The following ANAPC10 variants were observed in gnomAD, a reference collection of about 807,000 sequenced individuals.
ANAPC10 encodes the protein anaphase-promoting complex subunit 10.
Under a neutral mutation model 22.0 loss-of-function variants are expected in ANAPC10, and 12 were observed. The observed-to-expected ratio is 0.55, with a 90% CI of 0.35 to 0.88. ANAPC10 has a LOEUF of 0.88. ANAPC10 is among the 40% of genes least tolerant of loss of function. The pLI is 0.01. For missense variants in ANAPC10, 188 were observed against 220.9 expected, an observed-to-expected ratio of 0.85 and a Z score of 0.94; for synonymous variants, 65 against 69.5, an observed-to-expected ratio of 0.94 and a Z score of 0.32.
At chr4:144,998,624 C>T (rs554059554) in intron 4 of ANAPC10, among the ~76,000 whole-genome samples, 3 of 151,902 alleles carry the variant, frequency 2.0e-5, no homozygotes, top group Non-Finnish European at 4.4e-5. Flanking sequence ...AGCAGTGTGT[C>T]GAGGGAAATT....
chr4:145,091,826 C>T (rs578246780), intron 2 of ANAPC10, among the ~76,000 whole-genome samples: 8 of 152,266 alleles, frequency 5.3e-5, no homozygotes, highest in Admixed American at 2.6e-4. Context: ...ACTGTAAACA[C>T]GTGGAGTACT....
chr4:145,084,313 A>G (rs1746544744), intron 2 of ANAPC10, among the ~76,000 whole-genome samples: 1 of 152,208 alleles, frequency 6.6e-6, no homozygotes, highest in Non-Finnish European at 1.5e-5. Flanking sequence ...AAAGAGGTAG[A>G]ATGGTAAGAT....
In ANAPC10 at chr4:145,054,710, A is replaced by C. The variant is rs866179106; in HGVS notation, c.327+9862T>G. Among the ~76,000 whole-genome samples the C allele has an allele frequency of 4.2e-5, 6 of 142,294 alleles. No individual in the cohort carries two copies. In the South Asian group the frequency reaches 1.1e-3, roughly 26 times the overall value. The allele number at this position is 142,294 out of a possible 152,430, so 93.4% of individuals were successfully genotyped here. A position where few individuals can be genotyped will look rare whatever the true frequency, so the allele number is the denominator to read the frequency against. ...TGTGTGTGTGCCTGTGTGTGTGTGC[A>C]TGTGTGTGTGTGCATGTGTCCATGG... On this transcript the variant is annotated intron_variant, in intron 4 of 4. Transcript: ENST00000507656.
At chr4:145,026,250 A>G (rs768865292) in intron 4 of ANAPC10, among the ~76,000 whole-genome samples, 1 of 152,238 alleles carries the variant, frequency 6.6e-6, no homozygotes. Flanking sequence ...TTTAACATTT[A>G]TTGATTGACT....
At chr4:145,087,529 G>T (rs1579161657) in intron 2 of ANAPC10, among the ~76,000 whole-genome samples, 1 of 152,188 alleles carries the variant, frequency 6.6e-6, no homozygotes, top group East Asian at 1.9e-4. Flanking sequence ...AATGGTCTCT[G>T]TAGAGAAGTT....
chr4:145,003,973 C>T lies in ANAPC10; in HGVS notation c.328-8370G>A, dbSNP rs75873062. Among the ~76,000 whole-genome samples the T allele has an allele frequency of 1.5e-3, 226 of 152,122 alleles. 1 individual carries two copies. The highest frequency in any genetic ancestry group is 5.1e-3 in the African/African-American group (212 of 41,514). ...ATATTGAGTCTTCCTATCCATGAGC[C>T]TGGAAGGTTTTTCTCATGTGTTTGT... On this transcript the variant is annotated intron_variant, in intron 4 of 4. Coordinates refer to ENST00000507656, the MANE Select transcript of ANAPC10 (RefSeq NM_001256706.2).
At chr4:145,013,790 C>T (rs1250917372) in intron 4 of ANAPC10, among the ~76,000 whole-genome samples, 4 of 152,112 alleles carry the variant, frequency 2.6e-5, no homozygotes, top group African/African-American at 7.2e-5. Context: ...AAAGGAAGAT[C>T]CTCCACCCCC....
intron 4 of ANAPC10, among the ~76,000 whole-genome samples, chr4:145,010,173 C>A (rs962525429): frequency 2.6e-5 from 4 of 152,006 alleles, no homozygotes; most frequent in Non-Finnish European, 2.9e-5. Context: ...TCAGGAAACC[C>A]CAGGTGCTGG....
At chr4:145,020,379 A>G (rs568468678) in intron 4 of ANAPC10, among the ~76,000 whole-genome samples, 1 of 152,340 alleles carries the variant, frequency 6.6e-6, no homozygotes, top group East Asian at 1.9e-4. Context: ...GACAAAATCC[A>G]GCATCCCTTT....
intron 4 of ANAPC10, among the ~76,000 whole-genome samples, chr4:145,045,786 T>C (rs1460250722): frequency 6.6e-6 from 1 of 152,078 alleles, no homozygotes; most frequent in Non-Finnish European, 1.5e-5. Flanking sequence ...GTCTGTCCAT[T>C]ATGCCAGCCC....
intron 4 of ANAPC10, among the ~76,000 whole-genome samples, chr4:145,002,914 A>C (rs1408404429): frequency 6.6e-6 from 1 of 152,148 alleles, no homozygotes; most frequent in Non-Finnish European, 1.5e-5. Context: ...TTTATTATAA[A>C]GGTAAATTGC....
At chr4:145,077,000 C>T (rs1372203526) in intron 3 of ANAPC10, among the ~76,000 whole-genome samples, 2 of 152,108 alleles carry the variant, frequency 1.3e-5, no homozygotes, top group African/African-American at 4.8e-5. Context: ...GAGATCGAGA[C>T]CATTCTGGCT....
At chr4:145,092,949 A>G (rs1747911462) in intron 2 of ANAPC10, among the ~76,000 whole-genome samples, 1 of 152,142 alleles carries the variant, frequency 6.6e-6, no homozygotes, top group Non-Finnish European at 1.5e-5. Context: ...CTTTACCACA[A>G]AAGACCAGCC....
intron 3 of ANAPC10, among the ~76,000 whole-genome samples, chr4:145,074,953 T>C (rs996995914): frequency 2.0e-5 from 3 of 152,226 alleles, no homozygotes; most frequent in African/African-American, 4.8e-5. Flanking sequence ...AAAGCTACCA[T>C]GTCCCCCAAA....
At chr4:145,000,737 A>G (rs901119390) in intron 4 of ANAPC10, among the ~76,000 whole-genome samples, 11 of 152,208 alleles carry the variant, frequency 7.2e-5, no homozygotes, top group Non-Finnish European at 1.6e-4. Context: ...TACTATAAAG[A>G]CACATGCACA....
chr4:145,004,067 C>T (rs950736251), intron 4 of ANAPC10, among the ~76,000 whole-genome samples: 1 of 151,418 alleles, frequency 6.6e-6, no homozygotes, highest in East Asian at 1.9e-4. Flanking sequence ...TCCTTGGTTA[C>T]GTGTATTCCT....
chr4:145,008,455 G>A (rs62343145), intron 4 of ANAPC10, among the ~76,000 whole-genome samples: 8,397 of 152,136 alleles, frequency 0.055, 315 homozygotes, highest in Non-Finnish European at 0.088. Flanking sequence ...CTGGCAAACC[G>A]AATCCAGCAG....
intron 2 of ANAPC10, among the ~76,000 whole-genome samples, chr4:145,083,615 T>G (rs187782540): frequency 3.3e-5 from 5 of 152,330 alleles, no homozygotes; most frequent in Non-Finnish European, 5.9e-5. Context: ...GATGACTTTG[T>G]ATGACAAAAA....
chr4:145,026,955 G>GTATA (rs1560840398), intron 4 of ANAPC10, among the ~76,000 whole-genome samples: 3 of 17,044 alleles, frequency 1.8e-4, no homozygotes, highest in Admixed American at 8.3e-4. Flanking sequence ...ATGTGTGTGT[G>GTATA]TGTATATATA....
Sources: gnomAD v4.1 joint callset for allele counts (sites outside exome capture counted in the v4.1 genomes callset) on GRCh38, gnomAD v4.1.1 for gene constraint, MANE v1.5 for transcripts, NCBI Gene and HGNC (gene_info 2026-07-23, HGNC 2026-07-21) for gene names.